Variants in PCDH15 observed in about 807,000 individuals in gnomAD.
PCDH15 encodes the protein protocadherin-15.
In PCDH15, 129 loss-of-function variants were observed where a neutral mutation model predicts 178.5. The ratio of observed to expected loss-of-function variants is 0.72; its 90% confidence interval spans 0.63 to 0.84. The LOEUF (loss-of-function observed/expected upper bound fraction) is 0.84, where lower values mean the gene tolerates loss of function less well. Among genes scored for constraint, PCDH15 ranks in the 40% least tolerant of loss-of-function variants. The pLI is 0.00. For synonymous variants in PCDH15, 800 were observed against 732.0 expected (o/e 1.09, Z -1.50); for missense variants, 2,230 against 2,099.9 (o/e 1.06, Z -1.21).
Position 54,329,644 on chromosome 10 carries a change from C to G in PCDH15, c.657G>C (p.Arg219Ser), listed in dbSNP as rs751365900. The G allele has an allele frequency of 6.2e-7, 1 of 1,609,168 alleles. No individual in the cohort carries two copies. The highest frequency in any genetic ancestry group is 1.3e-5 in the African/African-American group (1 of 74,734). The change falls in exon 7 of 38, where the codon AGG becomes AGC. Residue 219 changes from arginine (R) to serine (S), a missense_variant. Coordinates refer to ENST00000644397, the MANE Select transcript of PCDH15 (RefSeq NM_001384140.1). ...AGCGAGTCTTATCTTCATAGTTGAG[C>G]CTCTTCCTTAACACTATATTTCCAG... Reference protein sequence around the residue: ...MLTGNIVLRKRLNYEDKTRYF... With the variant: ...MLTGNIVLRKSLNYEDKTRYF...
intron 3 of PCDH15, among the ~76,000 whole-genome samples, chr10:54,880,734 T>G (rs556830867): frequency 2.0e-5 from 3 of 150,348 alleles, no homozygotes; most frequent in African/African-American, 7.3e-5. Flanking sequence ...AGAAAATATA[T>G]TAAATTATAC....
intron 3 of PCDH15, among the ~76,000 whole-genome samples, chr10:54,833,433 C>T (rs189709917): frequency 1.3e-4 from 20 of 152,286 alleles, no homozygotes; most frequent in Non-Finnish European, 2.5e-4. Flanking sequence ...GGCATGGATT[C>T]AAACAGTTGA....
Position 53,889,536 on chromosome 10 carries a change from T to TA in PCDH15, c.3501+13706dup, listed in dbSNP as rs113275569. Reference sequence around the variant, plus strand: ...ACCATCACATGTTCATCACAGTGACTAAAAAAAAAAATCAGACAAAATCAA... The same window carrying TA: ...ACCATCACATGTTCATCACAGTGACTAAAAAAAAAAAATCAGACAAAATCAA... On this transcript the variant is annotated intron_variant, in intron 26 of 37. Transcript: ENST00000644397. 7.3e-4 allele frequency among the ~76,000 whole-genome samples: 107 copies of TA among 147,140 alleles called. 3 individuals carry two copies. In the South Asian group the frequency reaches 0.014, roughly 20 times the overall value.
chr10:54,811,259 T>C (rs1238011330), intron 3 of PCDH15, among the ~76,000 whole-genome samples: 1 of 152,018 alleles, frequency 6.6e-6, no homozygotes, highest in Non-Finnish European at 1.5e-5. Flanking sequence ...AATAAAATAT[T>C]TTTCCTGAGA....
chr10:54,168,010 A>G (rs2046446268), intron 13 of PCDH15, among the ~76,000 whole-genome samples: 1 of 150,312 alleles, frequency 6.7e-6, no homozygotes, highest in Non-Finnish European at 1.5e-5. Flanking sequence ...CCTTGACTAT[A>G]GGCAACCTTC....
intron 2 of PCDH15, among the ~76,000 whole-genome samples, chr10:55,539,983 C>G (rs555463082): frequency 6.6e-6 from 1 of 152,118 alleles, no homozygotes; most frequent in East Asian, 1.9e-4. Flanking sequence ...GATAAAAAGC[C>G]TGCCAAAGAT....
intron 2 of PCDH15, among the ~76,000 whole-genome samples, chr10:54,975,322 C>A (rs1839041893): frequency 1.3e-5 from 2 of 152,068 alleles, no homozygotes; most frequent in Admixed American, 1.3e-4. Flanking sequence ...TTTCAACTAC[C>A]TAATTTAGGT....
At chr10:54,197,416 G>A (rs2049789434) in intron 10 of PCDH15, among the ~76,000 whole-genome samples, 1 of 152,028 alleles carries the variant, frequency 6.6e-6, no homozygotes, top group African/African-American at 2.4e-5. Context: ...CAACTTTTAT[G>A]AGAAAACATG....
At chr10:55,113,041 G>T (rs922486682) in intron 2 of PCDH15, among the ~76,000 whole-genome samples, 4 of 152,100 alleles carry the variant, frequency 2.6e-5, no homozygotes, top group African/African-American at 9.7e-5. Context: ...ACTTGGAACT[G>T]CATGGCATCA....
intron 2 of PCDH15, among the ~76,000 whole-genome samples, chr10:55,048,178 A>G (rs1415827107): frequency 6.6e-6 from 1 of 151,936 alleles, no homozygotes; most frequent in Non-Finnish European, 1.5e-5. Context: ...ACTGAAAACT[A>G]TAAGATAAAG....
intron 25 of PCDH15, among the ~76,000 whole-genome samples, chr10:53,913,212 T>A (rs1023260817): frequency 1.3e-5 from 2 of 152,164 alleles, no homozygotes; most frequent in Non-Finnish European, 2.9e-5. Flanking sequence ...ATTTAATGAA[T>A]GGTGCTGGGA....
intron 1 of PCDH15, among the ~76,000 whole-genome samples, chr10:55,282,220 A>G (rs1489115471): frequency 6.6e-6 from 1 of 152,092 alleles, no homozygotes; most frequent in Non-Finnish European, 1.5e-5. Flanking sequence ...GCCCTCCTTT[A>G]GTGCCTTTTA....
chr10:55,342,793 G>A (rs1844640728), intron 2 of PCDH15, among the ~76,000 whole-genome samples: 1 of 152,132 alleles, frequency 6.6e-6, no homozygotes, highest in African/African-American at 2.4e-5. Flanking sequence ...ATAAGCTGAG[G>A]AGGGCACATT....
chr10:55,390,190 T>C (rs1400705617), intron 2 of PCDH15, among the ~76,000 whole-genome samples: 1 of 152,130 alleles, frequency 6.6e-6, no homozygotes, highest in Admixed American at 6.6e-5. Flanking sequence ...CTATTAATTA[T>C]ATAATAGCGT....
chr10:54,326,546 C>A (rs191760491), intron 7 of PCDH15, among the ~76,000 whole-genome samples: 66 of 152,204 alleles, frequency 4.3e-4, no homozygotes, highest in African/African-American at 1.1e-3. Flanking sequence ...TGTTTGCTAA[C>A]TAGCTAATTG....
intron 2 of PCDH15, among the ~76,000 whole-genome samples, chr10:54,565,365 T>A (rs961806753): frequency 6.6e-6 from 1 of 152,176 alleles, no homozygotes; most frequent in Non-Finnish European, 1.5e-5. Flanking sequence ...TGAATCAACC[T>A]CTGGTCCTTG....
At chr10:54,660,967 T>C (rs2094481031) in intron 2 of PCDH15, among the ~76,000 whole-genome samples, 1 of 151,392 alleles carries the variant, frequency 6.6e-6, no homozygotes, top group Non-Finnish European at 1.5e-5. Flanking sequence ...TACTGCAAAA[T>C]AATAAGAGCC....
intron 8 of PCDH15, among the ~76,000 whole-genome samples, chr10:54,276,675 A>G (rs113581686): frequency 2.4e-5 from 1 of 42,292 alleles, no homozygotes; most frequent in African/African-American, 6.1e-5. Context: ...AAATTCAATT[A>G]AAGATTAGAA....
intron 2 of PCDH15, among the ~76,000 whole-genome samples, chr10:54,631,611 C>T (rs2093701972): frequency 6.6e-6 from 1 of 152,082 alleles, no homozygotes; most frequent in Admixed American, 6.6e-5. Context: ...TTTGTGTGTT[C>T]CATCATAGCA....
Sources: gnomAD v4.1 joint callset for allele counts (sites outside exome capture counted in the v4.1 genomes callset) on GRCh38, gnomAD v4.1.1 for gene constraint, MANE v1.5 for transcripts, NCBI Gene and HGNC (gene_info 2026-07-23, HGNC 2026-07-21) for gene names.